Variants in RBM6 observed in about 807,000 individuals in gnomAD.
RBM6 encodes the protein RNA-binding protein 6.
RBM6 carries 23 observed loss-of-function variants against 140.4 expected under a neutral mutation model. The observed-to-expected ratio is 0.16, with a 90% CI of 0.12 to 0.23. The LOEUF (loss-of-function observed/expected upper bound fraction) is 0.23. RBM6 is among the 10% of genes least tolerant of loss of function. The pLI, the probability that RBM6 is intolerant of heterozygous loss-of-function variation, is 1.00. For synonymous variants in RBM6, 439 were observed against 475.6 expected (o/e 0.92, Z 1.00); for missense variants, 1,139 against 1,386.7 (o/e 0.82, Z 2.84).
rs370195578 is a variant in RBM6 at position 49,983,888 on chromosome 3, CTG to C, written c.1483+8499_1483+8500del. The stretch of plus-strand genomic sequence containing the variant: ...CGCTTTGGCTGGCCTAGGGAAGAAT[CTG>C]TGATTCAGTGCTGCAGGGATCAGGT... On this transcript the variant is annotated intron_variant, in intron 5 of 20. Coordinates refer to ENST00000266022, the MANE Select transcript of RBM6 (RefSeq NM_005777.3). 1.2e-4 allele frequency among the ~76,000 whole-genome samples: 18 copies of C among 152,320 alleles called. No individual in the cohort carries two copies. In the East Asian group the frequency reaches 2.3e-3, roughly 20 times the overall value.
intron 5 of RBM6, among the ~76,000 whole-genome samples, chr3:49,984,640 CGCATCGCATCGCATCGCATCGCATT>C (rs1158546503): frequency 1.9e-4 from 13 of 70,242 alleles, no homozygotes; most frequent in Non-Finnish European, 2.7e-4. Flanking sequence ...CGCATCGCAT[CGCATCGCATCGCATCGCATCGCATT>C]GCATCACATC....
chr3:50,058,041 A>G, intron 9 of RBM6, 38 bp downstream of exon 9: 1 of 1,596,218 alleles, frequency 6.3e-7, no homozygotes, highest in South Asian at 1.1e-5. Context: ...GACTGTGATC[A>G]TCACAATGGA....
intron 5 of RBM6, among the ~76,000 whole-genome samples, chr3:49,998,471 T>C (rs2086184111): frequency 1.3e-5 from 2 of 152,218 alleles, no homozygotes; most frequent in Non-Finnish European, 1.5e-5. Flanking sequence ...TGGAAGCCAC[T>C]TGGGGAGCAC....
Position 50,075,343 on chromosome 3 carries a change from C to T in RBM6, c.3246+13C>T. Reference sequence around the variant, plus strand: ...TTCATCAGAGGAGGTAAAATGGTTTCCATCTTTTGGGGGGTGACATGAACC... The same window carrying T: ...TTCATCAGAGGAGGTAAAATGGTTTTCATCTTTTGGGGGGTGACATGAACC... On this transcript the variant is annotated intron_variant, in intron 20 of 20. Transcript: ENST00000266022. 1.2e-6 allele frequency: 2 copies of T among 1,605,422 alleles called. No individual in the cohort carries two copies. Among genetic ancestry groups the T allele is most frequent in the Non-Finnish European group, 1.7e-6 (2 of 1,174,874 alleles).
intron 16 of RBM6, chr3:50,065,549 A>G (rs2090095828): frequency 2.2e-6 from 1 of 457,990 alleles, no homozygotes; most frequent in Non-Finnish European, 4.4e-6. Context: ...TTCAGAGTGA[A>G]TGATGCTAAT....
intron 9 of RBM6, 67 bp downstream of exon 9, chr3:50,058,070 A>G: frequency 6.5e-7 from 1 of 1,542,860 alleles, no homozygotes; most frequent in Admixed American, 1.9e-5. Flanking sequence ...GGCCAATGTT[A>G]TGTCCGGGAG....
intron 19 of RBM6, among the ~76,000 whole-genome samples, chr3:50,074,986 G>GAAAA (rs908213122): frequency 1.4e-5 from 2 of 142,456 alleles, no homozygotes; most frequent in Non-Finnish European, 1.5e-5. Flanking sequence ...TGTCTCTACT[G>GAAAA]AAAAAAAAAA....
At chr3:50,016,020 A>G (rs949851539) in intron 6 of RBM6, among the ~76,000 whole-genome samples, 3 of 152,196 alleles carry the variant, frequency 2.0e-5, no homozygotes, top group Non-Finnish European at 4.4e-5. Context: ...TGTGCAATAG[A>G]TAACTAAAAC....
intron 15 of RBM6, among the ~76,000 whole-genome samples, chr3:50,063,090 G>C (rs2090001922): frequency 6.6e-6 from 1 of 151,792 alleles, no homozygotes; most frequent in Non-Finnish European, 1.5e-5. Flanking sequence ...ACAGGATCTT[G>C]CTAGATTGAC....
chr3:50,014,355 C>T (rs2087006765), intron 6 of RBM6, among the ~76,000 whole-genome samples: 2 of 152,134 alleles, frequency 1.3e-5, no homozygotes, highest in Admixed American at 1.3e-4. Context: ...AGGTAATAAA[C>T]ATTCTTAAAA....
rs372142545 is a variant in RBM6, at chr3:49,967,771, A to G, written c.346A>G (p.Arg116Gly). Reference sequence around the variant, plus strand: ...CAGAGATTCATCACAGTTGGACTTCAGGGGTAGGGACATACATTCTGGGGA... The same window carrying G: ...CAGAGATTCATCACAGTTGGACTTCGGGGGTAGGGACATACATTCTGGGGA... ...QSRDSSQLDF[R>G]GRDIHSGDFR... is the part of the protein sequence containing the mutation. The change falls in exon 3 of 21, where the codon AGG becomes GGG. Residue 116 changes from arginine (R) to glycine (G), a missense_variant. Coordinates refer to ENST00000266022, the MANE Select transcript of RBM6 (RefSeq NM_005777.3). The surrounding 1 kb of genome is among the most constrained non-coding windows in gnomAD (Gnocchi z 4.0). 1 of 1,614,104 alleles carries G rather than the reference A, an allele frequency of 6.2e-7. No homozygotes were observed.
intron 5 of RBM6, among the ~76,000 whole-genome samples, chr3:49,994,223 C>T (rs1302541134): frequency 6.6e-6 from 1 of 152,062 alleles, no homozygotes; most frequent in African/African-American, 2.4e-5. Context: ...GCTCCCACAC[C>T]TGGCTAATTT....
At chr3:49,960,303 T>G (rs1420023611) in intron 1 of RBM6, among the ~76,000 whole-genome samples, 1 of 152,164 alleles carries the variant, frequency 6.6e-6, no homozygotes, top group African/African-American at 2.4e-5. Context: ...CACAGAACTT[T>G]CCTTCTGTTT....
At chr3:50,000,183 T>C (rs2086258008) in intron 6 of RBM6, among the ~76,000 whole-genome samples, 1 of 152,166 alleles carries the variant, frequency 6.6e-6, no homozygotes, top group African/African-American at 2.4e-5. Context: ...ATGTCTTTAA[T>C]AGAACCCTAC....
Position 50,057,919 on chromosome 3 carries a change from T to C in RBM6, c.1885T>C (p.Ser629Pro). ...KREAERYLPP[S>P]RREGPTFRRD... ...AGAAGCAGAAAGGTATCTGCCTCCTTCTCGAAGGGAAGGGCCAACTTTCCG... is the reference window on the plus strand; with the variant it reads ...AGAAGCAGAAAGGTATCTGCCTCCTCCTCGAAGGGAAGGGCCAACTTTCCG... Residue 629 changes from serine to proline, a missense_variant, in exon 9 of 21, where the codon TCT (serine) becomes CCT (proline). Around this residue, in one of 9 missense-constraint regions of RBM6, gnomAD observed 109 missense variants for 101.9 expected, o/e 1.07. Coordinates refer to ENST00000266022, the MANE Select transcript of RBM6 (RefSeq NM_005777.3). 2 of 1,614,048 alleles carry C rather than the reference T, an allele frequency of 1.2e-6. No individual in the cohort carries two copies. The highest frequency in any genetic ancestry group is 1.7e-6 in the Non-Finnish European group (2 of 1,180,000).
intron 6 of RBM6, among the ~76,000 whole-genome samples, chr3:50,040,555 T>C (rs905038328): frequency 1.4e-4 from 20 of 147,750 alleles, no homozygotes; most frequent in African/African-American, 4.7e-4. Context: ...CATATATATA[T>C]ACACACACAT....
rs2089775401 is a variant in RBM6 at position 50,057,817 on chromosome 3, C to T, written c.1783C>T (p.Leu595=). ...ATTGGAAAAACAGCCCAACCAGCCC[C>T]TAAGACCAGCTGATAAGGAACCTGA... The part of the protein sequence containing the change: ...APLEKQPNQP[L]RPADKEPEPR... Residue 595 remains leucine, a synonymous_variant, in exon 9 of 21, where the codon CTA becomes TTA. Coordinates refer to ENST00000266022, the MANE Select transcript of RBM6 (RefSeq NM_005777.3). 9 of 1,613,780 alleles carry T rather than the reference C, an allele frequency of 5.6e-6. No individual in the cohort carries two copies. Among genetic ancestry groups the T allele is most frequent in the African/African-American group, 5.3e-5 (4 of 74,836 alleles).
At chr3:50,052,934 G>A (rs2089530750) in intron 7 of RBM6, among the ~76,000 whole-genome samples, 1 of 151,064 alleles carries the variant, frequency 6.6e-6, no homozygotes. Context: ...ATGGAGAGAG[G>A]AAGTATACTC....
chr3:50,026,246 G>A (rs1349265003), intron 6 of RBM6, among the ~76,000 whole-genome samples: 1 of 151,600 alleles, frequency 6.6e-6, no homozygotes, highest in Non-Finnish European at 1.5e-5. Context: ...CACCATGCCC[G>A]GCTAATTTTT....
Sources: gnomAD v4.1 joint callset for allele counts (sites outside exome capture counted in the v4.1 genomes callset) on GRCh38, gnomAD v4.1.1 for gene constraint, gnomAD v4.1.1 regional missense constraint, Gnocchi (gnomAD v3.1) non-coding constraint, MANE v1.5 for transcripts, NCBI Gene and HGNC (gene_info 2026-07-23, HGNC 2026-07-21) for gene names.